The following CSMD3 variants were observed in gnomAD, a reference collection of about 807,000 sequenced individuals.
The protein encoded by CSMD3 is CUB and Sushi multiple domains 3, also known as CUB and sushi domain-containing protein 3.
CSMD3 carries 177 observed loss-of-function variants against 435.2 expected under a neutral mutation model. That is an observed-to-expected ratio of 0.41 (90% CI 0.36 to 0.46). The LOEUF (loss-of-function observed/expected upper bound fraction) is 0.46, where lower values mean the gene tolerates loss of function less well. CSMD3 is among the 20% of genes least tolerant of loss of function. The probability of loss-of-function intolerance (pLI) is 0.34; values close to 1 mark genes in which losing one functional copy is unlikely to be tolerated. For missense variants in CSMD3, 4,265 were observed against 4,504.6 expected, an observed-to-expected ratio of 0.95 and a Z score of 1.52; for synonymous variants, 1,656 against 1,520.5, an observed-to-expected ratio of 1.09 and a Z score of -2.07.
intron 13 of CSMD3, among the ~76,000 whole-genome samples, chr8:112,780,279 C>T (rs2078350958): frequency 6.6e-6 from 1 of 152,008 alleles, no homozygotes; most frequent in Non-Finnish European, 1.5e-5. Context: ...TTGGCTCAGG[C>T]ACTACTTATA....
intron 7 of CSMD3, among the ~76,000 whole-genome samples, chr8:112,965,611 T>C (rs2084389478): frequency 6.6e-6 from 1 of 151,928 alleles, no homozygotes. Context: ...AATGTTAAAA[T>C]GGTTACTTGC....
Position 112,357,795 on chromosome 8 carries a change from G to C in CSMD3, c.6137-5261C>G, listed in dbSNP as rs1009265788. Reference sequence around the variant, plus strand: ...ATGTATAGAAATGCCTGGATTTCCAGGTAGAAGTTTGCTGCAGAGGCAGGG... The same window carrying C: ...ATGTATAGAAATGCCTGGATTTCCACGTAGAAGTTTGCTGCAGAGGCAGGG... On this transcript the variant is annotated intron_variant, in intron 38 of 70. Coordinates refer to ENST00000297405, the MANE Select transcript of CSMD3 (RefSeq NM_198123.2). Among the ~76,000 whole-genome samples, 3 of 152,222 alleles carry C rather than the reference G, an allele frequency of 2.0e-5. No individual in the cohort carries two copies. In the East Asian group the frequency reaches 5.8e-4, roughly 29 times the overall value.
intron 1 of CSMD3, among the ~76,000 whole-genome samples, chr8:113,352,212 A>G (rs1025061878): frequency 3.9e-5 from 6 of 152,126 alleles, no homozygotes; most frequent in Non-Finnish European, 5.9e-5. Context: ...GATCTTTTGA[A>G]TAGACCATCC....
chr8:113,045,448 T>C (rs2087789450), intron 5 of CSMD3, among the ~76,000 whole-genome samples: 1 of 149,510 alleles, frequency 6.7e-6, no homozygotes, highest in African/African-American at 2.4e-5. Context: ...TATATGCCTT[T>C]AAATATGTAA....
intron 12 of CSMD3, among the ~76,000 whole-genome samples, chr8:112,808,299 C>T (rs2079141035): frequency 6.6e-6 from 1 of 152,062 alleles, no homozygotes; most frequent in African/African-American, 2.4e-5. Flanking sequence ...ATGATTTCCA[C>T]TTTGGGGCTA....
At chr8:113,139,333 A>G (rs1367664338) in intron 4 of CSMD3, among the ~76,000 whole-genome samples, 1 of 151,056 alleles carries the variant, frequency 6.6e-6, no homozygotes, top group Non-Finnish European at 1.5e-5. Flanking sequence ...GTTGATGGCC[A>G]GAGTAAAAAT....
At chr8:112,825,384 A>G (rs2079647224) in intron 12 of CSMD3, among the ~76,000 whole-genome samples, 1 of 151,546 alleles carries the variant, frequency 6.6e-6, no homozygotes, top group Non-Finnish European at 1.5e-5. Context: ...GACCAGGGAC[A>G]CTCTGGCCTT....
At chr8:113,423,418 T>G (rs889316774) in intron 1 of CSMD3, among the ~76,000 whole-genome samples, 5 of 152,038 alleles carry the variant, frequency 3.3e-5, no homozygotes, top group Admixed American at 2.6e-4. Context: ...CACTGCATTT[T>G]AGGCAAGCAG....
intron 50 of CSMD3, among the ~76,000 whole-genome samples, chr8:112,309,918 C>A (rs192734615): frequency 6.6e-6 from 1 of 151,842 alleles, no homozygotes; most frequent in African/African-American, 2.4e-5. Flanking sequence ...TTTATAAATG[C>A]CCACCAAAAA....
chr8:112,634,990 G>A (rs980037217), intron 22 of CSMD3, among the ~76,000 whole-genome samples: 6 of 151,886 alleles, frequency 4.0e-5, no homozygotes, highest in African/African-American at 1.2e-4. Flanking sequence ...AATGAAAAAT[G>A]GAAGAGATAA....
chr8:113,378,762 A>AGTGTGTGTGTGTGTGTGTGTGTGT (rs5894145), intron 1 of CSMD3, among the ~76,000 whole-genome samples: 6 of 148,166 alleles, frequency 4.0e-5, no homozygotes, highest in African/African-American at 1.5e-4. Flanking sequence ...GTCACACTGA[A>AGTGTGTGTGTGTGTGTGTGTGTGT]GTGTGTGTGT....
chr8:113,271,436 C>A (rs2093525733), intron 3 of CSMD3, among the ~76,000 whole-genome samples: 1 of 152,186 alleles, frequency 6.6e-6, no homozygotes, highest in African/African-American at 2.4e-5. Context: ...TGCGTCCCAG[C>A]TGCTCCACCT....
intron 4 of CSMD3, among the ~76,000 whole-genome samples, chr8:113,167,917 A>T (rs906511114): frequency 6.6e-6 from 1 of 152,220 alleles, no homozygotes; most frequent in Non-Finnish European, 1.5e-5. Context: ...GATACTGGCA[A>T]GTGTGGTGGT....
chr8:112,801,728 G>A (rs2078966218), intron 12 of CSMD3, among the ~76,000 whole-genome samples: 1 of 151,954 alleles, frequency 6.6e-6, no homozygotes, highest in Non-Finnish European at 1.5e-5. Flanking sequence ...GCAGGTGCAG[G>A]TTTATGGGAA....
At chr8:112,353,608 A>G (rs971271629) in intron 38 of CSMD3, among the ~76,000 whole-genome samples, 3 of 152,194 alleles carry the variant, frequency 2.0e-5, no homozygotes, top group Non-Finnish European at 2.9e-5. Flanking sequence ...ATCTAGAGTC[A>G]ATGAATAAAT....
At chr8:112,494,491 TCTCCTTTCTTTCTTTC>T (rs1821057230) in intron 30 of CSMD3, among the ~76,000 whole-genome samples, 1 of 100,496 alleles carries the variant, frequency 1.0e-5, no homozygotes, top group South Asian at 3.1e-4. Flanking sequence ...TGTTTCTTTC[TCTCCTTTCTTTCTTTC>T]TTTCTTTCTT....
chr8:112,940,480 G>A, intron 9 of CSMD3, among the ~76,000 whole-genome samples: 1 of 151,676 alleles, frequency 6.6e-6, no homozygotes, highest in African/African-American at 2.4e-5. Flanking sequence ...CCCACAAGCT[G>A]AGCTTTCCCA....
chr8:113,228,006 T>C (rs956813115), intron 3 of CSMD3, among the ~76,000 whole-genome samples: 4 of 151,564 alleles, frequency 2.6e-5, no homozygotes, highest in African/African-American at 9.7e-5. Context: ...TCTTAGGTCA[T>C]TTTTTTAAAT....
chr8:112,714,248 G>GA lies in CSMD3; in HGVS notation c.1973-24199dup, dbSNP rs773032011. On this transcript the variant is annotated intron_variant, in intron 13 of 70. Coordinates refer to ENST00000297405, the MANE Select transcript of CSMD3 (RefSeq NM_198123.2). ...GAAAAATTTACCAAGCAAATGAACAGAAAAAAAAAAAAGCAGGGGTTGCAA... is the reference window on the plus strand; with the variant it reads ...GAAAAATTTACCAAGCAAATGAACAGAAAAAAAAAAAAAGCAGGGGTTGCAA... Among the ~76,000 whole-genome samples the GA allele has an allele frequency of 4.2e-3, 505 of 120,748 alleles. 4 individuals carry two copies. The highest frequency in any genetic ancestry group is 7.4e-3 in the African/African-American group (240 of 32,596). 79.2% of individuals were successfully genotyped at this position (120,748 alleles called of 152,430 possible). A position where few individuals can be genotyped will look rare whatever the true frequency, so the allele number is the denominator to read the frequency against.
Sources: gnomAD v4.1 joint callset for allele counts (sites outside exome capture counted in the v4.1 genomes callset) on GRCh38, gnomAD v4.1.1 for gene constraint, MANE v1.5 for transcripts, NCBI Gene and HGNC (gene_info 2026-07-23, HGNC 2026-07-21) for gene names.